Variants in AFF2 observed in about 807,000 individuals in gnomAD.
AFF2 encodes the protein AF4/FMR2 family member 2.
A neutral mutation model predicts 76.9 loss-of-function variants in AFF2; 14 were observed. That is an observed-to-expected ratio of 0.18 (90% CI 0.12 to 0.28). The LOEUF is 0.28. AFF2 is among the 10% of genes least tolerant of loss of function. The pLI is 1.00. For synonymous variants in AFF2, 398 were observed against 366.7 expected, an observed-to-expected ratio of 1.09 and a Z score of -0.98; for missense variants, 868 against 1,001.1, an observed-to-expected ratio of 0.87 and a Z score of 1.79.
At chrX:148,581,622 G>GTATATGTGTACACACATA (rs2053410939) in intron 1 of AFF2, among the ~76,000 whole-genome samples, 1 of 88,508 alleles carries the variant, frequency 1.1e-5, no homozygotes, top group Non-Finnish European at 2.2e-5. Flanking sequence ...ACATATATAC[G>GTATATGTGTACACACATA]TATACGTATA....
chrX:148,846,696 C>T (rs2070671690), intron 7 of AFF2, among the ~76,000 whole-genome samples: 2 of 110,927 alleles, frequency 1.8e-5, no homozygotes, highest in Non-Finnish European at 3.8e-5. Flanking sequence ...TAATCTCCCC[C>T]AAAAATGTCT....
chrX:148,662,010 G>T lies in AFF2; in HGVS notation c.283G>T (p.Val95Leu), dbSNP rs376868984. 3 of 1,208,424 alleles carry T rather than the reference G, an allele frequency of 2.5e-6. No individual in the cohort carries two copies. The highest frequency in any genetic ancestry group is 3.5e-5 in the African/African-American group (2 of 57,076). ...TAACCATTCTAATCAGAATCACCTAGTGGGAATTCCAAAGAATTCTGTGCC... is the reference window on the plus strand; with the variant it reads ...TAACCATTCTAATCAGAATCACCTATTGGGAATTCCAAAGAATTCTGTGCC... ...LTNHSNQNHL[V>L]GIPKNSVPQN... The change falls in exon 3 of 21, where the codon GTG (valine) becomes TTG (leucine). Residue 95 changes from valine (V) to leucine (L), a missense_variant. Around this residue, in one of 6 missense-constraint regions of AFF2, gnomAD observed 196 missense variants for 194.8 expected, o/e 1.01. Transcript: ENST00000370460.
intron 1 of AFF2, among the ~76,000 whole-genome samples, chrX:148,618,488 C>T (rs1394093064): frequency 9.0e-6 from 1 of 111,217 alleles, no homozygotes; most frequent in Non-Finnish European, 1.9e-5. Flanking sequence ...TAACTGCCCC[C>T]ATGATTCAAT....
intron 1 of AFF2, among the ~76,000 whole-genome samples, chrX:148,539,679 A>T (rs1484006812): frequency 9.0e-6 from 1 of 110,737 alleles, no homozygotes; most frequent in Non-Finnish European, 1.9e-5. Flanking sequence ...TTTTAAAAAA[A>T]TAAAACATTG....
chrX:148,742,746 G>A (rs1225995406), intron 3 of AFF2, among the ~76,000 whole-genome samples: 2 of 111,825 alleles, frequency 1.8e-5, no homozygotes, highest in Admixed American at 9.5e-5. Flanking sequence ...CGCAGGAATA[G>A]GATGACCGGT....
At chrX:148,525,591 A>G (rs1348395875) in intron 1 of AFF2, among the ~76,000 whole-genome samples, 1 of 112,017 alleles carries the variant, frequency 8.9e-6, no homozygotes, top group Non-Finnish European at 1.9e-5. Context: ...ATAGATTTCA[A>G]CACTATCTAT....
chrX:148,947,255 G>A (rs928093458), intron 9 of AFF2, among the ~76,000 whole-genome samples: 4 of 112,107 alleles, frequency 3.6e-5, no homozygotes, highest in Admixed American at 2.8e-4. Context: ...GACCATAATC[G>A]ACTGTCTGCT....
At position 148,992,160 on chromosome X, in the gene AFF2, T is replaced by C. The variant is rs1178734926; in HGVS notation, c.*828T>C. The C allele has an allele frequency of 8.9e-6, 1 of 112,112 alleles. No homozygotes were observed. The highest frequency in any genetic ancestry group is 3.2e-5 in the African/African-American group (1 of 30,820). 9.2% of individuals were successfully genotyped at this position (112,112 alleles called of 1,213,427 possible). On this transcript the variant is annotated 3_prime_UTR_variant, in exon 21 of 21. Transcript: ENST00000370460. ...ACAGTTTGGTTGATGCATGCCTTAGTAGCCAAAATGCTACACTCTAGACTT... is the reference window on the plus strand; with the variant it reads ...ACAGTTTGGTTGATGCATGCCTTAGCAGCCAAAATGCTACACTCTAGACTT...
At chrX:148,952,059 G>C (rs2071975127) in intron 9 of AFF2, among the ~76,000 whole-genome samples, 1 of 111,810 alleles carries the variant, frequency 8.9e-6, no homozygotes, top group Non-Finnish European at 1.9e-5. Context: ...TCTGCACTGA[G>C]TAGTGACTGA....
At chrX:148,741,714 A>G (rs1343711869) in intron 3 of AFF2, among the ~76,000 whole-genome samples, 1 of 110,777 alleles carries the variant, frequency 9.0e-6, no homozygotes, top group Non-Finnish European at 1.9e-5. Flanking sequence ...CCTTCTCCCT[A>G]TGGAGTTTTA....
intron 3 of AFF2, among the ~76,000 whole-genome samples, chrX:148,791,003 T>C (rs782756620): frequency 1.8e-5 from 2 of 111,916 alleles, no homozygotes; most frequent in Admixed American, 1.9e-4. Flanking sequence ...TAGACAGAAC[T>C]CGTGAGAAAT....
At chrX:148,507,374 A>G (rs1403925878) in intron 1 of AFF2, among the ~76,000 whole-genome samples, 2 of 112,600 alleles carry the variant, frequency 1.8e-5, no homozygotes, top group Non-Finnish European at 3.8e-5. Flanking sequence ...TTAGCCCAAA[A>G]GAAAAACAAG....
At chrX:148,988,189 AG>A (rs1409213315) in intron 20 of AFF2, among the ~76,000 whole-genome samples, 2 of 112,100 alleles carry the variant, frequency 1.8e-5, no homozygotes, top group African/African-American at 6.5e-5. Context: ...GCTGTCATTG[AG>A]GATCACAACA....
chrX:148,734,656 G>A (rs782573922), intron 3 of AFF2, among the ~76,000 whole-genome samples: 2 of 112,087 alleles, frequency 1.8e-5, no homozygotes, highest in Admixed American at 9.5e-5. Flanking sequence ...AAACATTTTA[G>A]GAATCTTAAA....
chrX:148,712,630 A>G (rs1023830509), intron 3 of AFF2, among the ~76,000 whole-genome samples: 1 of 112,319 alleles, frequency 8.9e-6, no homozygotes, highest in Non-Finnish European at 1.9e-5. Context: ...ATAAAACTCA[A>G]TATGCAATGA....
intron 1 of AFF2, among the ~76,000 whole-genome samples, chrX:148,604,946 A>T (rs1557248602): frequency 1.8e-5 from 2 of 112,113 alleles, no homozygotes; most frequent in Non-Finnish European, 3.8e-5. Flanking sequence ...ACAAAATAAG[A>T]TATGACAAGA....
chrX:148,678,030 G>GT (rs1400928030), intron 3 of AFF2, among the ~76,000 whole-genome samples: 11 of 111,866 alleles, frequency 9.8e-5, no homozygotes, highest in East Asian at 2.8e-4. Flanking sequence ...TTGCAATTAT[G>GT]TTTTTTTCAA....
chrX:148,953,836 CTT>C, intron 10 of AFF2, 97 bp downstream of exon 10: 1 of 692,043 alleles, frequency 1.4e-6, no homozygotes, highest in Non-Finnish European at 2.1e-6. Context: ...CACACACACA[CTT>C]TCAGCACAAT....
chrX:148,564,166 CCTAA>C (rs782364551), intron 1 of AFF2, among the ~76,000 whole-genome samples: 1 of 111,841 alleles, frequency 8.9e-6, no homozygotes, highest in Non-Finnish European at 1.9e-5. Context: ...GCAGCACTTA[CCTAA>C]CTGTCTGGTA....
Sources: gnomAD v4.1 joint callset for allele counts (sites outside exome capture counted in the v4.1 genomes callset) on GRCh38, gnomAD v4.1.1 for gene constraint, gnomAD v4.1.1 regional missense constraint, MANE v1.5 for transcripts, NCBI Gene and HGNC (gene_info 2026-07-23, HGNC 2026-07-21) for gene names.